ACSM2B: variants seen among roughly 807,000 people sequenced by gnomAD.
ACSM2B encodes the protein acyl-coenzyme A synthetase ACSM2B, mitochondrial.
A neutral mutation model predicts 78.6 loss-of-function variants in ACSM2B; 58 were observed. The ratio of observed to expected loss-of-function variants is 0.74; its 90% CI spans 0.60 to 0.92. The LOEUF (loss-of-function observed/expected upper bound fraction) is 0.92. Ranked by LOEUF, ACSM2B falls within the 40% of genes least tolerant of loss-of-function variation. The pLI, the probability that ACSM2B is intolerant of heterozygous loss-of-function variation, is 0.00. For synonymous variants in ACSM2B, 257 were observed against 256.8 expected (o/e 1.00, Z -0.01); for missense variants, 688 against 711.2 (o/e 0.97, Z 0.37).
At chr16:20,570,062 G>T (rs1412830243) in intron 1 of ACSM2B, among the ~76,000 whole-genome samples, 1 of 151,804 alleles carries the variant, frequency 6.6e-6, no homozygotes, top group African/African-American at 2.4e-5. Context: ...TCTTTCTCTT[G>T]TCTGATTGAT....
chr16:20,562,113 G>A (rs2015678551), intron 2 of ACSM2B, among the ~76,000 whole-genome samples: 1 of 151,892 alleles, frequency 6.6e-6, no homozygotes, highest in Non-Finnish European at 1.5e-5. Flanking sequence ...CAGAGACCCT[G>A]ATTTTAAGTT....
Position 20,545,188 on chromosome 16 carries a change from A to G in ACSM2B, c.1250T>C (p.Ile417Thr). 1 of 1,613,842 alleles carries G rather than the reference A, an allele frequency of 6.2e-7. No individual in the cohort carries two copies. The highest frequency in any genetic ancestry group is 8.5e-7 in the Non-Finnish European group (1 of 1,179,802). Reference protein sequence around the residue: ...EGDIGIRVKPIRPIGIFSGYV... With the variant: ...EGDIGIRVKPTRPIGIFSGYV... ...GCCAGAGAAGATGCCTATAGGCCTG[A>G]TGGGTTTGACCCTGATGCCAATGTC... The change falls in exon 10 of 14, where the codon ATC becomes ACC. Residue 417 changes from isoleucine (I) to threonine (T), a missense_variant. Transcript: ENST00000329697.
At chr16:20,554,697 G>A (rs899988886) in intron 4 of ACSM2B, among the ~76,000 whole-genome samples, 3 of 152,108 alleles carry the variant, frequency 2.0e-5, no homozygotes, top group South Asian at 2.1e-4. Context: ...CAAGAGGTGG[G>A]AAGAAGAGCC....
Position 20,550,899 on chromosome 16 carries a change from C to T in ACSM2B, c.894+1245G>A, listed in dbSNP as rs116897730. Among the ~76,000 whole-genome samples, 45 of 152,138 alleles carry T rather than the reference C, an allele frequency of 3.0e-4. 1 individual carries two copies. In the East Asian group the frequency reaches 6.6e-3, roughly 22 times the overall value. On this transcript the variant is annotated intron_variant, in intron 6 of 13. Coordinates refer to ENST00000329697, the MANE Select transcript of ACSM2B (RefSeq NM_001105069.2). ...TAGGAAAAAATTCCACTTATTCTTC[C>T]GAATTGCTTCTAGAAAATCATCTTA...
intron 6 of ACSM2B, among the ~76,000 whole-genome samples, chr16:20,550,592 G>A (rs1417345590): frequency 1.3e-5 from 2 of 152,116 alleles, no homozygotes; most frequent in Non-Finnish European, 2.9e-5. Context: ...ATTATTTGAA[G>A]ATAATTTCCT....
At chr16:20,539,042 C>CG (rs2014920590) in intron 13 of ACSM2B, among the ~76,000 whole-genome samples, 3 of 151,716 alleles carry the variant, frequency 2.0e-5, no homozygotes, top group Admixed American at 6.6e-5. Context: ...CACCTGTGAC[C>CG]GTAAAGACCC....
Position 20,536,356 on chromosome 16 carries a change from T to G in ACSM2B, c.*902A>C, listed in dbSNP as rs773240027. 5.9e-5 allele frequency: 9 copies of G among 152,192 alleles called. No individual in the cohort carries two copies. The highest frequency in any genetic ancestry group is 1.4e-4 in the African/African-American group (6 of 41,452). 9.4% of individuals were successfully genotyped at this position (152,192 alleles called of 1,614,324 possible). On this transcript the variant is annotated 3_prime_UTR_variant, in exon 14 of 14. Transcript: ENST00000329697. ...AGCTGATAACTTTGGCAGTGCTTAC[T>G]TTGTTCTCACAGCTATGATCTAAGG...
chr16:20,543,622 T>C (rs2015060715), intron 10 of ACSM2B, among the ~76,000 whole-genome samples: 1 of 152,194 alleles, frequency 6.6e-6, no homozygotes, highest in Admixed American at 6.5e-5. Flanking sequence ...AAGCTATCAT[T>C]TTGATTAGGT....
chr16:20,538,366 C>T (rs1057281930), intron 13 of ACSM2B, among the ~76,000 whole-genome samples: 4 of 152,182 alleles, frequency 2.6e-5, no homozygotes, highest in Admixed American at 6.5e-5. Context: ...CATACCCATG[C>T]ATTTAGAAAC....
chr16:20,540,896 T>A, intron 12 of ACSM2B, 123 bp from the exon 13 acceptor site: 1 of 1,420,422 alleles, frequency 7.0e-7, no homozygotes. Context: ...CCCCCGGTGA[T>A]CCAGGTCAAG....
chr16:20,542,925 C>A lies in ACSM2B; in HGVS notation c.1498G>T (p.Val500Phe), dbSNP rs1384941371. 2 of 1,613,748 alleles carry A rather than the reference C, an allele frequency of 1.2e-6. No homozygotes were observed. Among genetic ancestry groups the A allele is most frequent in the East Asian group, 2.2e-5 (1 of 44,894 alleles). Residue 500 changes from valine to phenylalanine, a missense_variant, in exon 12 of 14, where the codon GTC becomes TTC. By Grantham distance (50) the Val-to-Phe change is conservative. Coordinates refer to ENST00000329697, the MANE Select transcript of ACSM2B (RefSeq NM_001105069.2). ...TGCTTCCCCATCACCTCTCCTCGGA[C>A]GGGGTCTGGGCTGCTGATCACAGCC... ...ETAVISSPDP[V>F]RGEVVKAFVI... is the part of the protein sequence containing the mutation.
At chr16:20,555,866 T>C (rs541617806) in intron 3 of ACSM2B, among the ~76,000 whole-genome samples, 1 of 152,136 alleles carries the variant, frequency 6.6e-6, no homozygotes, top group Non-Finnish European at 1.5e-5. Flanking sequence ...CTGTCCATGG[T>C]CTTGAAACAC....
At chr16:20,565,733 C>T (rs1466688268) in intron 1 of ACSM2B, among the ~76,000 whole-genome samples, 5 of 151,932 alleles carry the variant, frequency 3.3e-5, no homozygotes, top group Admixed American at 6.6e-5. Context: ...ACCCATCACT[C>T]GAGGAGTATA....
At chr16:20,553,620 C>T (rs1216822531) in intron 5 of ACSM2B, among the ~76,000 whole-genome samples, 157 bp downstream of exon 5, 1 of 152,192 alleles carries the variant, frequency 6.6e-6, no homozygotes, top group Non-Finnish European at 1.5e-5. Flanking sequence ...TACTTGATAC[C>T]CAGCATGTGA....
At chr16:20,566,645 C>G (rs60054926) in intron 1 of ACSM2B, among the ~76,000 whole-genome samples, 1 of 11,604 alleles carries the variant, frequency 8.6e-5, no homozygotes, top group Non-Finnish European at 1.4e-4. Context: ...TATATATATA[C>G]TATACTATAT....
chr16:20,559,398 C>T lies in ACSM2B; in HGVS notation c.227G>A (p.Gly76Glu), dbSNP rs776526040. 6.2e-6 allele frequency: 10 copies of T among 1,613,096 alleles called. No individual in the cohort carries two copies. In the East Asian group the frequency reaches 2.2e-4, roughly 36 times the overall value. ...TCTGAAATTCCACATTAATTCCTTCCCCTTCCCATTCACCCACCACAGGGC... is the reference window on the plus strand; with the variant it reads ...TCTGAAATTCCACATTAATTCCTTCTCCTTCCCATTCACCCACCACAGGGC... Reference protein sequence around the residue: ...SPALWWVNGKGKELMWNFREL... With the variant: ...SPALWWVNGKEKELMWNFREL... The change falls in exon 3 of 14, where the codon GGG becomes GAG. Residue 76 changes from glycine to glutamate, a missense_variant. Gly to Glu is a moderately conservative substitution (Grantham distance 98, BLOSUM62 -2). Transcript: ENST00000329697.
At chr16:20,560,022 A>G (rs1366292325) in intron 2 of ACSM2B, among the ~76,000 whole-genome samples, 3 of 150,996 alleles carry the variant, frequency 2.0e-5, no homozygotes, top group South Asian at 2.1e-4. Context: ...AATACACATA[A>G]CATTTCCAGT....
chr16:20,548,061 C>T lies in ACSM2B; in HGVS notation c.1098+1G>A. The T allele has an allele frequency of 1.9e-6, 3 of 1,613,948 alleles. No individual in the cohort carries two copies. Among genetic ancestry groups the T allele is most frequent in the Non-Finnish European group, 2.5e-6 (3 of 1,179,874 alleles). On this transcript the variant is annotated splice_donor_variant, in intron 8 of 13. Coordinates refer to ENST00000329697, the MANE Select transcript of ACSM2B (RefSeq NM_001105069.2). LOFTEE classifies it high-confidence loss of function. Reference sequence around the variant, plus strand: ...CCCATGGTTCCCCTGGGAACAGGTACCGTTTCTGTCTGGCCATAGAATTCT... The same window carrying T: ...CCCATGGTTCCCCTGGGAACAGGTATCGTTTCTGTCTGGCCATAGAATTCT...
Position 20,559,810 on chromosome 16 carries a change from C to T in ACSM2B, c.178-363G>A, listed in dbSNP as rs2015595589. Among the ~76,000 whole-genome samples the T allele has an allele frequency of 2.0e-5, 3 of 150,898 alleles. 1 individual carries two copies. The highest frequency in any genetic ancestry group is 7.4e-5 in the African/African-American group (3 of 40,378). On this transcript the variant is annotated intron_variant, in intron 2 of 13. Coordinates refer to ENST00000329697, the MANE Select transcript of ACSM2B (RefSeq NM_001105069.2). ...TTATTTATTGCATCTATTTATTCTG[C>T]AATTCCCTTTAATGTCTTAGTAGAA...
Sources: allele counts gnomAD v4.1 joint callset (sites outside exome capture counted in the v4.1 genomes callset), GRCh38; gene constraint gnomAD v4.1.1; transcripts MANE v1.5; gene names NCBI Gene and HGNC (gene_info 2026-07-23, HGNC 2026-07-21).